Variants in TLR6 observed in about 807,000 individuals in gnomAD.
TLR6 encodes toll like receptor 6.
In TLR6, 9 loss-of-function variants were observed where a neutral mutation model predicts 16.1. That is an observed-to-expected ratio of 0.56 (90% CI 0.34 to 0.98). The LOEUF is 0.98. Ranked by LOEUF, TLR6 falls within the 50% of genes least tolerant of loss-of-function variation. The probability of loss-of-function intolerance (pLI) is 0.02; values close to 1 mark genes in which losing one functional copy is unlikely to be tolerated. For missense variants in TLR6, 786 were observed against 921.0 expected (o/e 0.85, Z 1.90); for synonymous variants, 340 against 338.6 (o/e 1.00, Z -0.04).
intron 1 of TLR6, among the ~76,000 whole-genome samples, chr4:38,839,313 A>G (rs560667149): frequency 4.6e-5 from 7 of 151,892 alleles, no homozygotes; most frequent in African/African-American, 1.5e-4. Context: ...TTTTTTTTAA[A>G]AAAAATTAAT....
At chr4:38,852,505 A>G (rs1712809831) in intron 1 of TLR6, among the ~76,000 whole-genome samples, 1 of 152,238 alleles carries the variant, frequency 6.6e-6, no homozygotes, top group South Asian at 2.1e-4. Context: ...AATATCCAGA[A>G]TCTACAATGA....
chr4:38,859,809 G>A (rs1247233080), upstream of TLR6, among the ~76,000 whole-genome samples: 3 of 151,582 alleles, frequency 2.0e-5, no homozygotes, highest in African/African-American at 4.9e-5. Context: ...CAAACAATCC[G>A]CCCACCTCAG....
intron 1 of TLR6, among the ~76,000 whole-genome samples, chr4:38,834,659 A>G (rs781700793): frequency 1.4e-4 from 21 of 151,756 alleles, no homozygotes; most frequent in Non-Finnish European, 2.8e-4. Context: ...AAAAAAAGTC[A>G]AGTCATATAG....
rs764644602 is a variant in TLR6, at chr4:38,827,583, T to A, written c.1891A>T (p.Ile631Leu). ...TTTCTTTGGAGTTCTTCTAAGGGTA[T>A]GTTCCTGGCCCTGCGCCGAGTCTGG... is the stretch of plus-strand genomic sequence containing the variant. Residue 631 changes from isoleucine (I) to leucine (L), a missense_variant, in exon 2 of 2, where the codon ATA (isoleucine) becomes TTA (leucine). Transcript: ENST00000436693. 61 of 1,614,098 alleles carry A rather than the reference T, an allele frequency of 3.8e-5. No individual in the cohort carries two copies. Among genetic ancestry groups the A allele is most frequent in the Middle Eastern group, 3.3e-4 (2 of 6,084 alleles).
intron 1 of TLR6, among the ~76,000 whole-genome samples, chr4:38,841,461 C>T (rs1263658323): frequency 6.6e-6 from 1 of 152,022 alleles, no homozygotes; most frequent in Non-Finnish European, 1.5e-5. Flanking sequence ...CATAGTGGTG[C>T]CTGCCTGTAG....
At chr4:38,866,118 GTCC>G in the TLR6 span, among the ~76,000 whole-genome samples, 1 of 151,640 alleles carries the variant, frequency 6.6e-6, no homozygotes, top group Non-Finnish European at 1.5e-5. Context: ...TCAAGACTCT[GTCC>G]TCCTAAAAAA....
At chr4:38,828,651 G>T (rs764066463) in exon 2 of TLR6, 1 of 1,614,088 alleles carries the variant, frequency 6.2e-7, no homozygotes, top group East Asian at 2.2e-5. Context: ...ACAGGTTTGG[G>T]CCAAAGAAAT....
intron 1 of TLR6, among the ~76,000 whole-genome samples, chr4:38,856,195 A>G (rs532300768): frequency 6.6e-6 from 1 of 152,336 alleles, no homozygotes; most frequent in African/African-American, 2.4e-5. Flanking sequence ...ATAAATGTTT[A>G]TTCAGAGTCT....
chr4:38,850,303 C>A (rs896558525), intron 1 of TLR6, among the ~76,000 whole-genome samples: 1 of 152,116 alleles, frequency 6.6e-6, no homozygotes, highest in Admixed American at 6.6e-5. Flanking sequence ...GACACCCTAA[C>A]ATCACAATTA....
intron 1 of TLR6, among the ~76,000 whole-genome samples, chr4:38,855,211 C>CAAAAA (rs3042439): frequency 3.1e-4 from 34 of 108,754 alleles, no homozygotes; most frequent in African/African-American, 9.4e-4. Context: ...GACTCCGTCT[C>CAAAAA]AAAAAAAAAA....
At chr4:38,864,184 T>C in the TLR6 span, among the ~76,000 whole-genome samples, 1 of 152,234 alleles carries the variant, frequency 6.6e-6, no homozygotes, top group Non-Finnish European at 1.5e-5. Flanking sequence ...GTAGATTCTA[T>C]AGCCTGCTTT....
intron 1 of TLR6, among the ~76,000 whole-genome samples, chr4:38,849,056 C>T (rs1471195132): frequency 6.6e-6 from 1 of 152,174 alleles, no homozygotes; most frequent in African/African-American, 2.4e-5. Flanking sequence ...CAAAGGGAAG[C>T]CCATCAGACT....
the TLR6 span, among the ~76,000 whole-genome samples, chr4:38,861,991 T>C: frequency 0.01 from 1,590 of 152,328 alleles, 14 homozygotes; most frequent in South Asian, 0.035. Flanking sequence ...GCTAAAACAT[T>C]CTTGTTGAAA....
chr4:38,830,237 G>T (rs944366710), intron 1 of TLR6, among the ~76,000 whole-genome samples: 1 of 152,206 alleles, frequency 6.6e-6, no homozygotes, highest in African/African-American at 2.4e-5. Context: ...TTTTGCTTTT[G>T]CTAGTTTATT....
At chr4:38,848,730 A>G (rs935384731) in intron 1 of TLR6, among the ~76,000 whole-genome samples, 6 of 152,220 alleles carry the variant, frequency 3.9e-5, no homozygotes, top group Non-Finnish European at 8.8e-5. Context: ...GTTTAGAGGA[A>G]AAAGAGTAAA....
In TLR6 at chr4:38,830,525, C is replaced by T. The variant is rs114845735; in HGVS notation, c.-64-988G>A. ...AGTCCAGGAGTTCAAAGCCAGCCTG[C>T]GCAACATAGTGAAACTCCATCTCTA... On this transcript the variant is annotated intron_variant, in intron 1 of 1. Transcript: ENST00000436693. 4.3e-3 allele frequency among the ~76,000 whole-genome samples: 650 copies of T among 152,104 alleles called. 6 individuals are homozygous for T. Among genetic ancestry groups the T allele is most frequent in the African/African-American group, 0.014 (599 of 41,486 alleles).
upstream of TLR6, among the ~76,000 whole-genome samples, chr4:38,858,763 GA>G (rs1713096387): frequency 1.3e-5 from 1 of 78,192 alleles, no homozygotes; most frequent in Admixed American, 1.7e-4. Context: ...GAGAGGGAGA[GA>G]GAGAGAGAGA....
chr4:38,850,925 A>C (rs1041139805), intron 1 of TLR6, among the ~76,000 whole-genome samples: 17 of 152,096 alleles, frequency 1.1e-4, no homozygotes, highest in African/African-American at 2.4e-5. Flanking sequence ...GAGACACAAC[A>C]AAAAAAGAGA....
chr4:38,858,327 CAGAAG>C (rs1471575491), upstream of TLR6, among the ~76,000 whole-genome samples: 1 of 152,114 alleles, frequency 6.6e-6, no homozygotes, highest in Non-Finnish European at 1.5e-5. Context: ...GTGACTGACA[CAGAAG>C]AGAAGTCATA....
Sources: gnomAD v4.1 joint callset for allele counts (sites outside exome capture counted in the v4.1 genomes callset) on GRCh38, gnomAD v4.1.1 for gene constraint, MANE v1.5 for transcripts, NCBI Gene and HGNC (gene_info 2026-07-23, HGNC 2026-07-21) for gene names.